CECR2: variants seen among roughly 807,000 people sequenced by gnomAD.
CECR2 encodes chromatin remodeling regulator CECR2.
Under a neutral mutation model 154.5 loss-of-function variants are expected in CECR2, and 30 were observed. The observed-to-expected ratio is 0.19, with a 90% confidence interval of 0.15 to 0.26. CECR2 has a LOEUF of 0.26. Ranked by LOEUF, CECR2 falls within the 10% of genes least tolerant of loss-of-function variation. The pLI, the probability that CECR2 is intolerant of heterozygous loss-of-function variation, is 1.00. For missense variants in CECR2, 1,743 were observed against 1,829.3 expected (o/e 0.95, Z 0.86); for synonymous variants, 725 against 683.7 (o/e 1.06, Z -0.94).
intron 9 of CECR2, among the ~76,000 whole-genome samples, chr22:17,532,543 C>T (rs1347331626): frequency 6.6e-6 from 1 of 151,688 alleles, no homozygotes; most frequent in Non-Finnish European, 1.5e-5. Context: ...CTATTGTTTC[C>T]ATTTAATATT....
At chr22:17,533,226 A>G (rs2056386186) in intron 9 of CECR2, among the ~76,000 whole-genome samples, 1 of 151,602 alleles carries the variant, frequency 6.6e-6, no homozygotes, top group Admixed American at 6.6e-5. Context: ...AGGCTGAGGC[A>G]TGAGAATCGC....
At chr22:17,446,538 A>C (rs1279389350) in intron 1 of CECR2, among the ~76,000 whole-genome samples, 3 of 152,106 alleles carry the variant, frequency 2.0e-5, no homozygotes, top group African/African-American at 7.2e-5. Context: ...TAACACGGTG[A>C]AACCCCGTCT....
chr22:17,437,715 A>G (rs1395217717), intron 1 of CECR2, among the ~76,000 whole-genome samples: 1 of 151,086 alleles, frequency 6.6e-6, no homozygotes, highest in Non-Finnish European at 1.5e-5. Context: ...GAAATTTCTA[A>G]ATAGTATAGG....
At chr22:17,507,882 T>G (rs575414498) in intron 7 of CECR2, among the ~76,000 whole-genome samples, 2 of 152,280 alleles carry the variant, frequency 1.3e-5, no homozygotes, top group African/African-American at 4.8e-5. Flanking sequence ...GTAGAAAATC[T>G]TAGCAGACTA....
In CECR2 at chr22:17,371,898, C is replaced by G. The variant is rs569760438; in HGVS notation, c.126+1989C>G. 2.6e-5 allele frequency among the ~76,000 whole-genome samples: 4 copies of G among 152,318 alleles called. No individual in the cohort carries two copies. The East Asian group carries it at 7.7e-4, about 29-fold the overall frequency. On this transcript the variant is annotated intron_variant, in intron 1 of 18. Coordinates refer to ENST00000262608, the MANE Select transcript of CECR2 (RefSeq NM_001290047.2). ...TTAGAGTAACCTGTAAATAACTTGT[C>G]TTCTGTTATAAGCAATAAACTTGTG...
intron 1 of CECR2, among the ~76,000 whole-genome samples, chr22:17,392,256 AC>A (rs200875743): frequency 0.013 from 1,904 of 152,220 alleles, 41 homozygotes; most frequent in Admixed American, 0.055. Flanking sequence ...CCGTGTCTCA[AC>A]AACAAAAAAA....
chr22:17,468,013 T>G (rs1046356981), intron 1 of CECR2, among the ~76,000 whole-genome samples: 2 of 152,234 alleles, frequency 1.3e-5, no homozygotes, highest in Admixed American at 6.5e-5. Context: ...TAGGTCCTTC[T>G]TGGTAGAAGG....
At chr22:17,394,306 A>G (rs988228322) in intron 1 of CECR2, among the ~76,000 whole-genome samples, 6 of 149,228 alleles carry the variant, frequency 4.0e-5, no homozygotes, top group African/African-American at 1.5e-4. Context: ...GGGCTCAAAC[A>G]GTCTTCCCAC....
chr22:17,451,685 T>TC (rs1451709481), intron 1 of CECR2, among the ~76,000 whole-genome samples: 2 of 152,168 alleles, frequency 1.3e-5, no homozygotes, highest in East Asian at 3.9e-4. Context: ...CTGCTTCACA[T>TC]CCTGAAGGTC....
intron 1 of CECR2, among the ~76,000 whole-genome samples, chr22:17,371,174 TG>T (rs1293962779): frequency 2.0e-5 from 3 of 152,166 alleles, no homozygotes; most frequent in African/African-American, 7.2e-5. Context: ...CTTCTGTGAA[TG>T]AAGTGTGGGA....
chr22:17,521,704 C>G (rs948755180), intron 8 of CECR2, among the ~76,000 whole-genome samples: 2 of 152,100 alleles, frequency 1.3e-5, no homozygotes, highest in African/African-American at 4.8e-5. Flanking sequence ...TGTAGGTTGC[C>G]TGTTCACTCT....
chr22:17,506,798 C>T (rs777747303), intron 7 of CECR2, among the ~76,000 whole-genome samples: 2 of 152,212 alleles, frequency 1.3e-5, no homozygotes, highest in African/African-American at 2.4e-5. Context: ...GGACTATAGG[C>T]GTGCGCCACC....
chr22:17,500,960 A>G (rs980498816), intron 5 of CECR2, among the ~76,000 whole-genome samples: 17 of 152,190 alleles, frequency 1.1e-4, no homozygotes, highest in African/African-American at 3.4e-4. Flanking sequence ...TTACTAGACG[A>G]TGGATGTGCA....
chr22:17,506,891 G>A (rs1221345836), intron 7 of CECR2, among the ~76,000 whole-genome samples: 1 of 152,184 alleles, frequency 6.6e-6, no homozygotes, highest in Non-Finnish European at 1.5e-5. Flanking sequence ...CTGGCCACAA[G>A]TGATCCACCC....
chr22:17,365,500 C>G (rs914689859), upstream of CECR2, among the ~76,000 whole-genome samples: 1 of 151,946 alleles, frequency 6.6e-6, no homozygotes. Context: ...CGAGACCAGC[C>G]TGGCTAACAC....
chr22:17,501,631 T>G (rs1362735749), intron 5 of CECR2, among the ~76,000 whole-genome samples: 1 of 152,230 alleles, frequency 6.6e-6, no homozygotes, highest in Non-Finnish European at 1.5e-5. Flanking sequence ...TTACAGAAGT[T>G]CAGCTTCAGA....
At chr22:17,476,594 C>A (rs1212326719) in intron 1 of CECR2, among the ~76,000 whole-genome samples, 1 of 152,170 alleles carries the variant, frequency 6.6e-6, no homozygotes, top group African/African-American at 2.4e-5. Flanking sequence ...CTGTTAAGAT[C>A]ACAACTTGCA....
At chr22:17,378,216 C>A (rs1463954391) in intron 1 of CECR2, among the ~76,000 whole-genome samples, 1 of 150,672 alleles carries the variant, frequency 6.6e-6, no homozygotes, top group African/African-American at 2.4e-5. Flanking sequence ...ATCTCCTAAC[C>A]TTGTGATCCG....
At chr22:17,515,821 G>A (rs971177355) in intron 8 of CECR2, among the ~76,000 whole-genome samples, 2 of 151,980 alleles carry the variant, frequency 1.3e-5, no homozygotes, top group Non-Finnish European at 2.9e-5. Flanking sequence ...GACTACAGGC[G>A]CCCGCCACCA....
Sources: allele counts gnomAD v4.1 joint callset (sites outside exome capture counted in the v4.1 genomes callset), GRCh38; gene constraint gnomAD v4.1.1; transcripts MANE v1.5; gene names NCBI Gene and HGNC (gene_info 2026-07-23, HGNC 2026-07-21).